Variants in RBFOX1 observed in about 807,000 individuals in gnomAD.
RBFOX1 encodes RNA binding protein fox-1 homolog 1.
Under a neutral mutation model 57.7 loss-of-function variants are expected in RBFOX1, and 8 were observed. That is an observed-to-expected ratio of 0.14 (90% CI 0.08 to 0.25). RBFOX1 has a LOEUF of 0.25. RBFOX1 is among the 10% of genes least tolerant of loss of function. RBFOX1 has a pLI of 1.00. For missense variants in RBFOX1, 611 were observed against 548.5 expected (o/e 1.11, Z -1.14); for synonymous variants, 326 against 222.4 (o/e 1.47, Z -4.15).
chr16:7,332,074 CAAAAT>C (rs971806757), intron 4 of RBFOX1, among the ~76,000 whole-genome samples: 2 of 152,044 alleles, frequency 1.3e-5, no homozygotes, highest in East Asian at 1.9e-4. Context: ...GTTAAAAACA[CAAAAT>C]AAAAGGCATA....
At chr16:6,804,566 A>G (rs1240752360) in intron 3 of RBFOX1, among the ~76,000 whole-genome samples, 1 of 152,178 alleles carries the variant, frequency 6.6e-6, no homozygotes, top group Non-Finnish European at 1.5e-5. Flanking sequence ...GTATGTGGCT[A>G]CTGTGGAAGC....
rs573205556 is a variant in RBFOX1, at chr16:6,951,800, C to G, written c.-15-100257C>G. Among the ~76,000 whole-genome samples the G allele has an allele frequency of 1.3e-5, 2 of 152,124 alleles. 1 individual carries two copies. The highest frequency in any genetic ancestry group is 4.1e-4 in the South Asian group (2 of 4,828). Reference sequence around the variant, plus strand: ...CCAGACTGGAGTGCAGTGGCATAATCCAGGCTCACTGCAACCTCCGCCTCC... The same window carrying G: ...CCAGACTGGAGTGCAGTGGCATAATGCAGGCTCACTGCAACCTCCGCCTCC... On this transcript the variant is annotated intron_variant, in intron 3 of 15. Transcript: ENST00000550418.
chr16:7,026,447 T>C (rs952193022), intron 3 of RBFOX1, among the ~76,000 whole-genome samples: 4 of 152,174 alleles, frequency 2.6e-5, no homozygotes. Flanking sequence ...ATATTTAGAC[T>C]CTTTTTTTCT....
intron 3 of RBFOX1, among the ~76,000 whole-genome samples, chr16:6,857,091 G>T (rs1227594199): frequency 1.3e-5 from 2 of 152,114 alleles, no homozygotes; most frequent in African/African-American, 4.8e-5. Context: ...TTGTTGTGAA[G>T]TGATTGCTTC....
chr16:6,832,630 T>C, intron 3 of RBFOX1, among the ~76,000 whole-genome samples: 1 of 152,206 alleles, frequency 6.6e-6, no homozygotes, highest in East Asian at 1.9e-4. Context: ...TTTTGTTGCT[T>C]CCTGCCTCCT....
intron 1 of RBFOX1, among the ~76,000 whole-genome samples, chr16:5,325,293 G>A (rs749304890): frequency 9.9e-5 from 15 of 151,988 alleles, no homozygotes; most frequent in Non-Finnish European, 2.1e-4. Context: ...TTACAGGCAT[G>A]GCTCTGACAC....
At chr16:5,432,692 C>T (rs865952289) in intron 1 of RBFOX1, among the ~76,000 whole-genome samples, 1 of 151,790 alleles carries the variant, frequency 6.6e-6, no homozygotes, top group Non-Finnish European at 1.5e-5. Context: ...TGTGGGTGCC[C>T]AGGCTCCGAG....
At chr16:6,996,914 G>T (rs1276368123) in intron 3 of RBFOX1, among the ~76,000 whole-genome samples, 1 of 152,108 alleles carries the variant, frequency 6.6e-6, no homozygotes, top group African/African-American at 2.4e-5. Flanking sequence ...ACTGAACTTT[G>T]CATCCAGGAA....
chr16:6,218,628 G>T (rs11077015), intron 1 of RBFOX1, among the ~76,000 whole-genome samples: 24,033 of 152,076 alleles, frequency 0.16, 2,316 homozygotes, highest in Non-Finnish European at 0.22. Flanking sequence ...TCTTTCTCTT[G>T]TTTTTAATAA....
intron 3 of RBFOX1, among the ~76,000 whole-genome samples, chr16:6,949,302 A>G (rs971607921): frequency 2.6e-5 from 4 of 152,190 alleles, no homozygotes; most frequent in African/African-American, 7.2e-5. Flanking sequence ...GAAGAAAGAC[A>G]TGTACCAGTT....
intron 3 of RBFOX1, among the ~76,000 whole-genome samples, chr16:7,026,411 G>A (rs147979251): frequency 6.6e-6 from 1 of 152,208 alleles, no homozygotes; most frequent in South Asian, 2.1e-4. Context: ...GTAAAGAACA[G>A]TTGAGGGCAG....
chr16:5,942,139 G>A (rs2059293407), intron 4 of RBFOX1, among the ~76,000 whole-genome samples: 1 of 152,100 alleles, frequency 6.6e-6, no homozygotes, highest in South Asian at 2.1e-4. Flanking sequence ...ATCTAGACAG[G>A]GGGAGTGCAA....
intron 2 of RBFOX1, among the ~76,000 whole-genome samples, chr16:6,438,532 G>T (rs1456532268): frequency 1.3e-5 from 2 of 152,132 alleles, no homozygotes; most frequent in African/African-American, 4.8e-5. Flanking sequence ...TAGTGGACTG[G>T]GATCCTCAGG....
At chr16:5,878,392 C>G (rs936500874) in intron 4 of RBFOX1, among the ~76,000 whole-genome samples, 1 of 152,142 alleles carries the variant, frequency 6.6e-6, no homozygotes, top group Non-Finnish European at 1.5e-5. Flanking sequence ...CTTCATTTAA[C>G]AGATGAGAAA....
At chr16:7,669,285 T>C (rs1387736607) in intron 13 of RBFOX1, among the ~76,000 whole-genome samples, 3 of 152,128 alleles carry the variant, frequency 2.0e-5, no homozygotes, top group South Asian at 2.1e-4. Flanking sequence ...AAGACATCTG[T>C]TGGTTGACCT....
rs1555817562 is a variant in RBFOX1 at position 7,711,239 on chromosome 16, AAT to A, written c.*495_*496del. On this transcript the variant is annotated 3_prime_UTR_variant, in exon 16 of 16. Transcript: ENST00000550418. ...GGTTTGGCTGAAAGAAAAAAAAAAA[AAT>A]GTAACTGATGAATCTAAACGACCCA... 1 of 151,806 alleles carries A rather than the reference AAT, an allele frequency of 6.6e-6. No homozygotes were observed. The highest frequency in any genetic ancestry group is 1.5e-5 in the Non-Finnish European group (1 of 68,002). The allele number at this position is 151,806 out of a possible 1,614,324, so 9.4% of individuals were successfully genotyped here. A position where few individuals can be genotyped will look rare whatever the true frequency, so the allele number is the denominator to read the frequency against.
At chr16:6,419,523 A>G (rs1460824398) in intron 2 of RBFOX1, among the ~76,000 whole-genome samples, 2 of 152,188 alleles carry the variant, frequency 1.3e-5, no homozygotes, top group African/African-American at 4.8e-5. Flanking sequence ...ATTTCTACCA[A>G]ATTTCCGGAA....
chr16:6,719,404 A>C (rs568058558), intron 3 of RBFOX1, among the ~76,000 whole-genome samples: 1 of 152,118 alleles, frequency 6.6e-6, no homozygotes, highest in East Asian at 2.0e-4. Flanking sequence ...CTAATAGTTT[A>C]AAAGTTTTAA....
intron 5 of RBFOX1, among the ~76,000 whole-genome samples, chr16:7,547,620 G>T (rs1431061939): frequency 6.6e-6 from 1 of 152,174 alleles, no homozygotes; most frequent in Non-Finnish European, 1.5e-5. Flanking sequence ...CAGGATTGAG[G>T]CAGGCATGAC....
Sources: gnomAD v4.1 joint callset for allele counts (sites outside exome capture counted in the v4.1 genomes callset) on GRCh38, gnomAD v4.1.1 for gene constraint, MANE v1.5 for transcripts, NCBI Gene and HGNC (gene_info 2026-07-23, HGNC 2026-07-21) for gene names.